Variants in DYM observed in about 807,000 individuals in gnomAD.
The protein encoded by DYM is dyggve-Melchior-Clausen syndrome protein.
Under a neutral mutation model 93.1 loss-of-function variants are expected in DYM, and 78 were observed. The ratio of observed to expected loss-of-function variants is 0.84; its 90% CI spans 0.70 to 1.01. The LOEUF (loss-of-function observed/expected upper bound fraction) is 1.01. DYM is among the 50% of genes least tolerant of loss of function. DYM has a pLI of 0.00. For synonymous variants in DYM, 321 were observed against 319.7 expected (o/e 1.00, Z -0.04); for missense variants, 789 against 845.0 (o/e 0.93, Z 0.82).
At chr18:49,421,668 G>A (rs2073726363) in intron 2 of DYM, among the ~76,000 whole-genome samples, 1 of 152,256 alleles carries the variant, frequency 6.6e-6, no homozygotes, top group South Asian at 2.1e-4. Flanking sequence ...CGAGTGGAGA[G>A]AAGAAGGCTT....
chr18:49,229,615 C>CT (rs2093638806), intron 13 of DYM, among the ~76,000 whole-genome samples: 1 of 152,130 alleles, frequency 6.6e-6, no homozygotes, highest in Admixed American at 6.6e-5. Context: ...AAAGCAAACA[C>CT]TAATTTCTGG....
At chr18:49,073,629 TTAAA>T (rs2077070887) in intron 17 of DYM, among the ~76,000 whole-genome samples, 1 of 152,192 alleles carries the variant, frequency 6.6e-6, no homozygotes, top group African/African-American at 2.4e-5. Flanking sequence ...CTGGAGTTGA[TTAAA>T]TTCACCCTGC....
At chr18:49,058,558 T>C (rs2144584175) in intron 17 of DYM, among the ~76,000 whole-genome samples, 1 of 152,298 alleles carries the variant, frequency 6.6e-6, no homozygotes, top group South Asian at 2.1e-4. Context: ...GTGATCCTCC[T>C]GACTTGACCT....
chr18:49,164,045 T>G (rs2087551362), intron 14 of DYM, among the ~76,000 whole-genome samples: 1 of 152,136 alleles, frequency 6.6e-6, no homozygotes, highest in African/African-American at 2.4e-5. Flanking sequence ...CACAGGAGCA[T>G]TTTTCATAAG....
At chr18:49,394,472 C>T (rs1248507313) in intron 2 of DYM, among the ~76,000 whole-genome samples, 2 of 151,996 alleles carry the variant, frequency 1.3e-5, no homozygotes, top group African/African-American at 4.8e-5. Context: ...GTAATGTCTC[C>T]AGATTTGCTC....
chr18:49,157,904 G>T (rs577354937), intron 15 of DYM, among the ~76,000 whole-genome samples: 17 of 152,136 alleles, frequency 1.1e-4, no homozygotes, highest in Non-Finnish European at 2.2e-4. Flanking sequence ...TGACATTTAG[G>T]TCTATGGTCC....
intron 15 of DYM, among the ~76,000 whole-genome samples, chr18:49,148,355 AC>A (rs1237213606): frequency 2.0e-5 from 3 of 151,814 alleles, no homozygotes; most frequent in South Asian, 2.1e-4. Flanking sequence ...TAAAAAAAGA[AC>A]AAAAAAAAAA....
intron 14 of DYM, among the ~76,000 whole-genome samples, chr18:49,180,794 G>T (rs2089854812): frequency 6.6e-6 from 1 of 152,034 alleles, no homozygotes; most frequent in Non-Finnish European, 1.5e-5. Context: ...CCTTATACTT[G>T]GTGATAATGA....
intron 17 of DYM, among the ~76,000 whole-genome samples, chr18:49,069,224 T>C (rs1397912767): frequency 6.6e-6 from 1 of 152,202 alleles, no homozygotes; most frequent in African/African-American, 2.4e-5. Flanking sequence ...AAATCATACA[T>C]TAAAGTCAGC....
In DYM at chr18:49,040,342, G is replaced by A. The variant is rs1024602770; in HGVS notation, c.*3713C>T. 2.0e-5 allele frequency among the ~76,000 whole-genome samples: 3 copies of A among 152,204 alleles called. No individual in the cohort carries two copies. The highest frequency in any genetic ancestry group is 4.4e-5 in the Non-Finnish European group (3 of 68,038). Reference sequence around the variant, plus strand: ...GCCTTGTGAAGTTAGATTAGGGGTTGAGTATGACCTGGCCAAGGGTCTTGG... The same window carrying A: ...GCCTTGTGAAGTTAGATTAGGGGTTAAGTATGACCTGGCCAAGGGTCTTGG... On this transcript the variant is annotated 3_prime_UTR_variant, in exon 18 of 18. Coordinates refer to ENST00000675505, the MANE Select transcript of DYM (RefSeq NM_001353214.3).
At chr18:49,389,990 A>C (rs1440829044) in intron 3 of DYM, among the ~76,000 whole-genome samples, 2 of 152,166 alleles carry the variant, frequency 1.3e-5, no homozygotes, top group Non-Finnish European at 2.9e-5. Context: ...AAACTCCTTA[A>C]TTTTCAGCAC....
chr18:49,298,581 CAAA>C (rs34066907), intron 8 of DYM, among the ~76,000 whole-genome samples: 2 of 134,538 alleles, frequency 1.5e-5, no homozygotes, highest in African/African-American at 5.6e-5. Flanking sequence ...AACTCCGTCT[CAAA>C]AAAAAAAAAA....
chr18:49,243,022 A>T (rs1174139803), intron 13 of DYM, among the ~76,000 whole-genome samples: 1 of 152,098 alleles, frequency 6.6e-6, no homozygotes, highest in Non-Finnish European at 1.5e-5. Context: ...TTCTAAAGGA[A>T]GCTTAGGGAA....
chr18:49,044,239 A>G, intron 17 of DYM, 35 bp from the exon 18 acceptor site: 1 of 1,612,696 alleles, frequency 6.2e-7, no homozygotes, highest in Middle Eastern at 1.7e-4. Flanking sequence ...ATAATCCCAC[A>G]GTTCCATGCA....
intron 14 of DYM, among the ~76,000 whole-genome samples, chr18:49,168,800 G>A (rs1487464952): frequency 6.6e-6 from 1 of 152,178 alleles, no homozygotes. Context: ...ATTCCACAGA[G>A]GAAATCTATC....
rs1335289881 is a variant in DYM, at chr18:49,392,949, C to A, written c.141-1304G>T. The stretch of plus-strand genomic sequence containing the variant: ...GGCAGAGGTTACAGTGAGCCAAGAT[C>A]GTGCCACTGCACTCCAACCTGGGAG... On this transcript the variant is annotated intron_variant, in intron 2 of 17. Coordinates refer to ENST00000675505, the MANE Select transcript of DYM (RefSeq NM_001353214.3). 2.1e-5 allele frequency among the ~76,000 whole-genome samples: 3 copies of A among 144,774 alleles called. No individual in the cohort carries two copies. The Admixed American group carries it at 2.1e-4, about 10-fold the overall frequency. 95.0% of individuals were successfully genotyped at this position (144,774 alleles called of 152,430 possible).
chr18:49,232,550 G>T (rs971367051), intron 13 of DYM, among the ~76,000 whole-genome samples: 8 of 148,954 alleles, frequency 5.4e-5, no homozygotes, highest in Admixed American at 2.7e-4. Context: ...TGATCTGCTC[G>T]CCTCGGCCTC....
At chr18:49,404,263 C>T (rs1217857154) in intron 2 of DYM, among the ~76,000 whole-genome samples, 2 of 152,168 alleles carry the variant, frequency 1.3e-5, no homozygotes, top group Admixed American at 1.3e-4. Context: ...CCGCCTAGGC[C>T]TCCCAAAGTG....
chr18:49,206,003 GT>G, intron 14 of DYM: 1 of 137,940 alleles, frequency 7.2e-6, no homozygotes, highest in African/African-American at 2.8e-5. Flanking sequence ...TTTTTTTTTT[GT>G]TTTTTTGTTT....
Sources: allele counts gnomAD v4.1 joint callset (sites outside exome capture counted in the v4.1 genomes callset), GRCh38; gene constraint gnomAD v4.1.1; transcripts MANE v1.5; gene names NCBI Gene and HGNC (gene_info 2026-07-23, HGNC 2026-07-21).